LRRC1: variants seen among roughly 807,000 people sequenced by gnomAD.
LRRC1 encodes leucine rich repeat containing 1, also known as leucine-rich repeat-containing protein 1.
Under a neutral mutation model 69.9 loss-of-function variants are expected in LRRC1, and 28 were observed. That is an observed-to-expected ratio of 0.40 (90% confidence interval 0.30 to 0.55). LRRC1 has a LOEUF of 0.55. LRRC1 is among the 20% of genes least tolerant of loss of function. The probability of loss-of-function intolerance (pLI) is 0.47; values close to 1 mark genes in which losing one functional copy is unlikely to be tolerated. For synonymous variants in LRRC1, 236 were observed against 240.2 expected, an observed-to-expected ratio of 0.98 and a Z score of 0.16; for missense variants, 498 against 609.0, an observed-to-expected ratio of 0.82 and a Z score of 1.92.
intron 12 of LRRC1, 80 bp from the exon 13 acceptor site, chr6:53,920,545 C>A: frequency 6.5e-7 from 1 of 1,546,090 alleles, no homozygotes; most frequent in Non-Finnish European, 8.9e-7. Flanking sequence ...ATAGATTCTA[C>A]CTTGTCAGCC....
At position 53,892,011 on chromosome 6, in the gene LRRC1, TAC is replaced by T. The variant is rs70980877; in HGVS notation, c.447-4451_447-4450del. Among the ~76,000 whole-genome samples the T allele has an allele frequency of 3.6e-3, 492 of 135,336 alleles. 6 individuals are homozygous for T. The highest frequency in any genetic ancestry group is 0.027 in the South Asian group (107 of 4,014). 88.8% of individuals were successfully genotyped at this position (135,336 alleles called of 152,430 possible). On this transcript the variant is annotated intron_variant, in intron 4 of 13. Coordinates refer to ENST00000370888, the MANE Select transcript of LRRC1 (RefSeq NM_018214.5). ...TGTCTAAAAAAAAAATATATATATA[TAC>T]ACACACACACACACACACACACACA...
chr6:53,848,630 G>A (rs1416218222), intron 2 of LRRC1, among the ~76,000 whole-genome samples: 1 of 152,130 alleles, frequency 6.6e-6, no homozygotes. Flanking sequence ...CCTTCCACTT[G>A]CTTTGTCAGA....
rs150126281 is a variant in LRRC1, at chr6:53,837,512, A to G, written c.160-4598A>G. On this transcript the variant is annotated intron_variant, in intron 1 of 13. Coordinates refer to ENST00000370888, the MANE Select transcript of LRRC1 (RefSeq NM_018214.5). ...AATGTCTCTGGGAAGGAAATCTGTG[A>G]GTAAATTTGGTGTTATTATAGTTAG... Among the ~76,000 whole-genome samples, 139 of 152,296 alleles carry G rather than the reference A, an allele frequency of 9.1e-4. 4 individuals carry two copies. The East Asian group carries it at 0.016, about 18-fold the overall frequency.
At chr6:53,814,765 A>C (rs560861734) in intron 1 of LRRC1, among the ~76,000 whole-genome samples, 2 of 152,158 alleles carry the variant, frequency 1.3e-5, no homozygotes, top group Non-Finnish European at 2.9e-5. Context: ...TGCAATTTCT[A>C]TTGGCCTTTG....
chr6:53,918,786 G>A (rs955783808), intron 11 of LRRC1, among the ~76,000 whole-genome samples: 1 of 152,130 alleles, frequency 6.6e-6, no homozygotes, highest in African/African-American at 2.4e-5. Context: ...ATATTTAGGT[G>A]TCACATTATA....
intron 11 of LRRC1, among the ~76,000 whole-genome samples, chr6:53,918,160 C>G (rs1047770527): frequency 6.6e-6 from 1 of 152,202 alleles, no homozygotes; most frequent in Non-Finnish European, 1.5e-5. Flanking sequence ...TTAGTGAAAT[C>G]TTATAATGTA....
At chr6:53,808,843 C>A (rs1764709516) in intron 1 of LRRC1, among the ~76,000 whole-genome samples, 1 of 152,056 alleles carries the variant, frequency 6.6e-6, no homozygotes, top group African/African-American at 2.4e-5. Flanking sequence ...CAGAGTGAGA[C>A]CCTGTTTCAA....
chr6:53,889,062 C>A (rs1256270626), intron 4 of LRRC1, among the ~76,000 whole-genome samples: 5 of 152,146 alleles, frequency 3.3e-5, no homozygotes, highest in African/African-American at 9.7e-5. Flanking sequence ...ATAGGCATTT[C>A]TTCAGAGAAG....
intron 2 of LRRC1, among the ~76,000 whole-genome samples, chr6:53,863,204 A>G (rs1766587647): frequency 6.6e-6 from 1 of 152,150 alleles, no homozygotes; most frequent in Admixed American, 6.5e-5. Context: ...CATGGTTTTC[A>G]TACATAATAG....
chr6:53,899,836 A>C lies in LRRC1; in HGVS notation c.732A>C (p.Ser244=). ...RLPEEISGLT[S]LTDLVISQNL... The stretch of plus-strand genomic sequence containing the variant: ...CTGAAGAAATCAGTGGCCTGACTTC[A>C]TTAACGGATTTAGTCATTTCCCAGA... The change falls in exon 8 of 14, where the codon TCA becomes TCC. Residue 244 remains serine, a synonymous_variant. Coordinates refer to ENST00000370888, the MANE Select transcript of LRRC1 (RefSeq NM_018214.5). The C allele has an allele frequency of 6.2e-7, 1 of 1,614,134 alleles. No individual in the cohort carries two copies. Among genetic ancestry groups the C allele is most frequent in the Non-Finnish European group, 8.5e-7 (1 of 1,179,988 alleles).
intron 10 of LRRC1, 92 bp downstream of exon 10, chr6:53,904,554 C>T (rs929490366): frequency 1.9e-5 from 16 of 842,566 alleles, no homozygotes; most frequent in Middle Eastern, 3.4e-4. Flanking sequence ...TTTGAAAAGA[C>T]GCATGTGTTG....
intron 1 of LRRC1, among the ~76,000 whole-genome samples, chr6:53,823,221 G>T (rs981580378): frequency 6.6e-6 from 1 of 152,138 alleles, no homozygotes; most frequent in Non-Finnish European, 1.5e-5. Context: ...GCTCCTATTA[G>T]TATGGACCAT....
intron 6 of LRRC1, 49 bp downstream of exon 6, chr6:53,896,941 C>A: frequency 8.0e-7 from 1 of 1,242,414 alleles, no homozygotes. Context: ...TAGTTATGAT[C>A]ACACAGTATT....
chr6:53,818,049 A>G (rs148641336), intron 1 of LRRC1, among the ~76,000 whole-genome samples: 237 of 152,366 alleles, frequency 1.6e-3, no homozygotes, highest in African/African-American at 5.4e-3. Context: ...CAAAAGGTGC[A>G]CGTACAATGA....
At chr6:53,901,084 G>A (rs191734055) in intron 8 of LRRC1, among the ~76,000 whole-genome samples, 1 of 152,082 alleles carries the variant, frequency 6.6e-6, no homozygotes, top group African/African-American at 2.4e-5. Context: ...ACTGAGAATC[G>A]TTTATGGCAT....
intron 4 of LRRC1, among the ~76,000 whole-genome samples, chr6:53,891,724 T>C (rs906505126): frequency 7.9e-5 from 12 of 152,250 alleles, no homozygotes; most frequent in Admixed American, 6.5e-4. Context: ...GGCTCATGCC[T>C]GTAATCCTAG....
chr6:53,803,285 G>A (rs960718340), intron 1 of LRRC1, among the ~76,000 whole-genome samples: 5 of 152,192 alleles, frequency 3.3e-5, no homozygotes, highest in East Asian at 3.8e-4. Context: ...ATGAGATGTC[G>A]TGTTCTTTTT....
rs146054181 is a variant in LRRC1, at chr6:53,923,055, C to G, written c.*262C>G. Reference sequence around the variant, plus strand: ...AGTAGAATACACTACTGTAAACATACGACCTTTGTTTTTGTCTTATGTTGG... The same window carrying G: ...AGTAGAATACACTACTGTAAACATAGGACCTTTGTTTTTGTCTTATGTTGG... On this transcript the variant is annotated 3_prime_UTR_variant, in exon 14 of 14. Coordinates refer to ENST00000370888, the MANE Select transcript of LRRC1 (RefSeq NM_018214.5). 6 of 312,330 alleles carry G rather than the reference C, an allele frequency of 1.9e-5. No individual in the cohort carries two copies. The highest frequency in any genetic ancestry group is 4.8e-5 in the Admixed American group (1 of 20,866). The allele number at this position is 312,330 out of a possible 1,614,324, so 19.3% of individuals were successfully genotyped here.
chr6:53,891,587 T>C (rs1767683427), intron 4 of LRRC1, among the ~76,000 whole-genome samples: 1 of 151,810 alleles, frequency 6.6e-6, no homozygotes, highest in African/African-American at 2.4e-5. Flanking sequence ...CATGAATCCA[T>C]ATGAAATTTT....
Sources: allele counts gnomAD v4.1 joint callset (sites outside exome capture counted in the v4.1 genomes callset), GRCh38; gene constraint gnomAD v4.1.1; transcripts MANE v1.5; gene names NCBI Gene and HGNC (gene_info 2026-07-23, HGNC 2026-07-21).